PRKDC: variants seen among roughly 807,000 people sequenced by gnomAD.
The protein encoded by PRKDC is protein kinase, DNA-activated, catalytic subunit.
A neutral mutation model predicts 486.9 loss-of-function variants in PRKDC; 82 were observed. The ratio of observed to expected loss-of-function variants is 0.17; its 90% CI spans 0.14 to 0.20. PRKDC has a LOEUF of 0.20. Ranked by LOEUF, PRKDC falls within the 10% of genes least tolerant of loss-of-function variation. The pLI, the probability that PRKDC is intolerant of heterozygous loss-of-function variation, is 1.00. For missense variants in PRKDC, 4,504 were observed against 5,038.2 expected (o/e 0.89, Z 3.21); for synonymous variants, 1,895 against 1,837.0 (o/e 1.03, Z -0.81).
chr8:47,959,665 C>A (rs1011711229), intron 1 of PRKDC, among the ~76,000 whole-genome samples: 3 of 150,970 alleles, frequency 2.0e-5, no homozygotes, highest in African/African-American at 7.3e-5. Context: ...GGCGACAGAG[C>A]GAGACTCCGT....
At chr8:47,904,731 T>C in intron 26 of PRKDC, 138 bp downstream of exon 26, 1 of 598,114 alleles carries the variant, frequency 1.7e-6, no homozygotes, top group South Asian at 2.2e-5. Flanking sequence ...AGGCGCAGGT[T>C]GCAGTGAGCC....
At chr8:47,844,722 C>T (rs753807015) in intron 54 of PRKDC, among the ~76,000 whole-genome samples, 1 of 152,016 alleles carries the variant, frequency 6.6e-6, no homozygotes, top group Non-Finnish European at 1.5e-5. Context: ...AAATAGAAAT[C>T]AATACCAAGA....
intron 25 of PRKDC, 59 bp from the exon 26 acceptor site, chr8:47,905,035 A>G (rs1365676640): frequency 1.6e-6 from 2 of 1,242,710 alleles, no homozygotes; most frequent in Admixed American, 1.9e-5. Flanking sequence ...GTTACGCTGT[A>G]AAGGGTTCCA....
At chr8:47,939,043 T>C (rs113358947) in intron 11 of PRKDC, among the ~76,000 whole-genome samples, 3 of 152,314 alleles carry the variant, frequency 2.0e-5, no homozygotes, top group African/African-American at 7.2e-5. Flanking sequence ...GTTCTGTCAA[T>C]TCTGAGTCTC....
At chr8:47,810,837 A>G (rs1469606998) in intron 68 of PRKDC, among the ~76,000 whole-genome samples, 1 of 152,202 alleles carries the variant, frequency 6.6e-6, no homozygotes, top group Non-Finnish European at 1.5e-5. Flanking sequence ...GACAAAAGAA[A>G]ATAACAGTAA....
Position 47,916,244 on chromosome 8 carries a change from G to A in PRKDC, c.2527-826C>T, listed in dbSNP as rs144187249. ...GGGCAGATCACGAGGTCAGGAGTTC[G>A]AGACCAGCCTTTCACCAACATGGTG... On this transcript the variant is annotated intron_variant, in intron 22 of 85. Coordinates refer to ENST00000314191, the MANE Select transcript of PRKDC (RefSeq NM_006904.7). 2.9e-3 allele frequency among the ~76,000 whole-genome samples: 442 copies of A among 152,106 alleles called. 2 individuals carry two copies. Among genetic ancestry groups the A allele is most frequent in the African/African-American group, 0.01 (420 of 41,488 alleles).
In PRKDC at chr8:47,778,741, C is replaced by T. The variant is rs2086650497; in HGVS notation, c.11638G>A (p.Ala3880Thr). Residue 3880 changes from alanine to threonine, a missense_variant, in exon 82 of 86, where the codon GCT becomes ACT. Physicochemically the swap from Ala to Thr is moderately conservative, Grantham distance 58. This residue lies in a region of PRKDC where 706 missense variants were observed against 945.0 expected (regional missense o/e 0.75). Transcript: ENST00000314191. Reference protein sequence around the residue: ...SFRKRESKVPADLLKRAFVRM... With the variant: ...SFRKRESKVPTDLLKRAFVRM... The stretch of plus-strand genomic sequence containing the variant: ...AAGGGTACTTACTTTAAGAGATCAG[C>T]AGGCACTTTACTTTCTCGTTTTCTA... 2 of 1,613,796 alleles carry T rather than the reference C, an allele frequency of 1.2e-6. No homozygotes were observed. Among genetic ancestry groups the T allele is most frequent in the Non-Finnish European group, 1.7e-6 (2 of 1,179,798 alleles).
rs765598997 is a variant in PRKDC, at chr8:47,881,570, T to C, written c.4963-50A>G. On this transcript the variant is annotated intron_variant, in intron 37 of 85. Coordinates refer to ENST00000314191, the MANE Select transcript of PRKDC (RefSeq NM_006904.7). ...GACACATTTGTATATTACATCTCTA[T>C]TTCCTTTAGCCCATTGCTCAAATGT... The C allele has an allele frequency of 1.7e-5, 16 of 952,398 alleles. No homozygotes were observed. In the South Asian group the frequency reaches 2.6e-4, roughly 15 times the overall value. 59.0% of individuals were successfully genotyped at this position (952,398 alleles called of 1,614,324 possible).
chr8:47,898,540 C>A lies in PRKDC; in HGVS notation c.3394G>T (p.Asp1132Tyr). 6.6e-7 allele frequency: 1 copy of A among 1,525,562 alleles called. No homozygotes were observed. Among genetic ancestry groups the A allele is most frequent in the South Asian group, 1.3e-5 (1 of 79,740 alleles). The allele number at this position is 1,525,562 out of a possible 1,614,324, so 94.5% of individuals were successfully genotyped here. A position where few individuals can be genotyped will look rare whatever the true frequency, so the allele number is the denominator to read the frequency against. Reference sequence around the variant, plus strand: ...TTTTCAATGATGCGGCATAGGTGATCAATGGCATCACAACACTGTTGAATT... The same window carrying A: ...TTTTCAATGATGCGGCATAGGTGATAAATGGCATCACAACACTGTTGAATT... ...GTIQQCCDAI[D>Y]HLCRIIEKKH... The change falls in exon 29 of 86, where the codon GAT becomes TAT. Residue 1132 changes from aspartate to tyrosine, a missense_variant. Coordinates refer to ENST00000314191, the MANE Select transcript of PRKDC (RefSeq NM_006904.7).
intron 34 of PRKDC, 68 bp from the exon 35 acceptor site, chr8:47,887,773 T>C: frequency 6.8e-7 from 1 of 1,462,342 alleles, no homozygotes; most frequent in Non-Finnish European, 9.1e-7. Context: ...ACTTCACTCC[T>C]CTCATTAAAT....
chr8:47,881,083 C>G (rs924141142), intron 38 of PRKDC, among the ~76,000 whole-genome samples: 3 of 148,562 alleles, frequency 2.0e-5, no homozygotes, highest in Non-Finnish European at 4.5e-5. Flanking sequence ...AGCAAGAAAG[C>G]AAGAAAGCAA....
chr8:47,835,620 CAAAAAAAA>C (rs71548446), intron 58 of PRKDC, among the ~76,000 whole-genome samples: 242 of 20,446 alleles, frequency 0.012, no homozygotes, highest in Middle Eastern at 0.042. Flanking sequence ...GACTCTGTCT[CAAAAAAAA>C]AAAAAAAAAA....
At chr8:47,817,792 C>T (rs935392343) in intron 67 of PRKDC, among the ~76,000 whole-genome samples, 1 of 152,194 alleles carries the variant, frequency 6.6e-6, no homozygotes, top group African/African-American at 2.4e-5. Flanking sequence ...TGCACAAATT[C>T]TTTTTACATT....
intron 36 of PRKDC, among the ~76,000 whole-genome samples, chr8:47,883,538 G>A (rs1057129685): frequency 6.6e-6 from 1 of 152,160 alleles, no homozygotes; most frequent in Non-Finnish European, 1.5e-5. Context: ...CCAAGGCCCT[G>A]CTGCTCAACC....
intron 42 of PRKDC, 139 bp downstream of exon 42, chr8:47,863,260 C>A (rs2154500739): frequency 1.5e-6 from 1 of 652,970 alleles, no homozygotes; most frequent in South Asian, 2.6e-5. Context: ...TAAAGTTCAC[C>A]TAAGTGGTTT....
Position 47,858,999 on chromosome 8 carries a change from G to A in PRKDC, c.6208-13C>T. 1.2e-6 allele frequency: 2 copies of A among 1,611,432 alleles called. No individual in the cohort carries two copies. The highest frequency in any genetic ancestry group is 1.7e-6 in the Non-Finnish European group (2 of 1,179,840). ...GGTCCCGCTGCTCCTGCGAAAGGGA[G>A]GGCCCAGGAGAGCAGAGGGTACAGT... On this transcript the variant is annotated splice_polypyrimidine_tract_variant and intron_variant, in intron 46 of 85. Coordinates refer to ENST00000314191, the MANE Select transcript of PRKDC (RefSeq NM_006904.7).
At chr8:47,853,563 A>G (rs2088465062) in intron 51 of PRKDC, among the ~76,000 whole-genome samples, 1 of 152,166 alleles carries the variant, frequency 6.6e-6, no homozygotes, top group Non-Finnish European at 1.5e-5. Flanking sequence ...TGTCACACCC[A>G]GCTGCCCTAG....
intron 40 of PRKDC, among the ~76,000 whole-genome samples, chr8:47,871,755 C>A (rs545705615): frequency 3.3e-5 from 5 of 152,116 alleles, no homozygotes; most frequent in Non-Finnish European, 7.4e-5. Context: ...CCCGCCACCA[C>A]GCCTGGCTTA....
rs1359662261 is a variant in PRKDC at position 47,803,499 on chromosome 8, A to G, written c.9748-19T>C. On this transcript the variant is annotated intron_variant, in intron 69 of 85. Coordinates refer to ENST00000314191, the MANE Select transcript of PRKDC (RefSeq NM_006904.7). The stretch of plus-strand genomic sequence containing the variant: ...AATTGTTCTGTATGAATACAATAAA[A>G]AGAGAGAAGGTGGTATGATGATACA... 1.2e-6 allele frequency: 2 copies of G among 1,612,326 alleles called. No individual in the cohort carries two copies. The highest frequency in any genetic ancestry group is 1.7e-6 in the Non-Finnish European group (2 of 1,178,458).
Sources: gnomAD v4.1 joint callset for allele counts (sites outside exome capture counted in the v4.1 genomes callset) on GRCh38, gnomAD v4.1.1 for gene constraint, gnomAD v4.1.1 regional missense constraint, MANE v1.5 for transcripts, NCBI Gene and HGNC (gene_info 2026-07-23, HGNC 2026-07-21) for gene names.